BTC: variants seen among roughly 807,000 people sequenced by gnomAD.
BTC encodes the protein betacellulin.
BTC carries 13 observed loss-of-function variants against 18.1 expected under a neutral mutation model. That is an observed-to-expected ratio of 0.72 (90% CI 0.47 to 1.14). The LOEUF is 1.14. BTC is among the 50% of genes most tolerant of loss of function. The pLI is 0.00. For synonymous variants in BTC, 83 were observed against 79.4 expected (o/e 1.05, Z -0.24); for missense variants, 247 against 224.2 (o/e 1.10, Z -0.65).
At chr4:74,778,229 A>G (rs1234914328) in intron 1 of BTC, among the ~76,000 whole-genome samples, 1 of 152,132 alleles carries the variant, frequency 6.6e-6, no homozygotes, top group East Asian at 1.9e-4. Flanking sequence ...CCCAAGGAGA[A>G]CATAATTCTT....
rs1221816255 is a variant in BTC at position 74,786,647 on chromosome 4, C to T, written c.64+7615G>A. 2.0e-5 allele frequency among the ~76,000 whole-genome samples: 3 copies of T among 152,314 alleles called. No individual in the cohort carries two copies. In the East Asian group the frequency reaches 5.8e-4, roughly 29 times the overall value. ...CACAAGAGAGAAAATCATCTGACAT[C>T]TCACAGAATTCAAGGGTGTTTTTAA... is the stretch of plus-strand genomic sequence containing the variant. On this transcript the variant is annotated intron_variant, in intron 1 of 5. Transcript: ENST00000395743.
chr4:74,773,832 G>A (rs1277273781), intron 1 of BTC, among the ~76,000 whole-genome samples: 1 of 151,980 alleles, frequency 6.6e-6, no homozygotes, highest in African/African-American at 2.4e-5. Context: ...GGCTGGTCTT[G>A]AACTCCTGAC....
At chr4:74,774,834 T>A (rs1220174958) in intron 1 of BTC, among the ~76,000 whole-genome samples, 2 of 152,132 alleles carry the variant, frequency 1.3e-5, no homozygotes, top group African/African-American at 4.8e-5. Context: ...AATCATCTTT[T>A]TTTTTTCCAT....
At chr4:74,785,374 C>T (rs929972964) in intron 1 of BTC, among the ~76,000 whole-genome samples, 1 of 151,998 alleles carries the variant, frequency 6.6e-6, no homozygotes, top group African/African-American at 2.4e-5. Flanking sequence ...AACGCCAGTT[C>T]CTGGATTTAT....
chr4:74,753,732 C>G (rs1553956436), intron 3 of BTC, among the ~76,000 whole-genome samples: 1 of 152,046 alleles, frequency 6.6e-6, no homozygotes, highest in Non-Finnish European at 1.5e-5. Context: ...CCACTCATCT[C>G]ATAGCTTCTT....
intron 2 of BTC, among the ~76,000 whole-genome samples, 161 bp from the exon 3 acceptor site, chr4:74,756,137 C>G (rs560865641): frequency 6.6e-6 from 1 of 152,174 alleles, no homozygotes; most frequent in South Asian, 2.1e-4. Flanking sequence ...TTTTGTGACT[C>G]CAAAATAGCT....
chr4:74,750,622 C>A lies in BTC; in HGVS notation c.379G>T (p.Val127Phe). The A allele has an allele frequency of 6.2e-7, 1 of 1,613,872 alleles. No homozygotes were observed. Among genetic ancestry groups the A allele is most frequent in the Non-Finnish European group, 8.5e-7 (1 of 1,179,908 alleles). Residue 127 changes from valine (V) to phenylalanine (F), a missense_variant, in exon 4 of 6, where the codon GTT (valine) becomes TTT (phenylalanine). By Grantham distance (50) the Val-to-Phe change is conservative. Coordinates refer to ENST00000395743, the MANE Select transcript of BTC (RefSeq NM_001729.4). ...ACCAAAATAATAAAAACTACCATAACTGCTATCAAACAAATCACCAGAATC... is the reference window on the plus strand; with the variant it reads ...ACCAAAATAATAAAAACTACCATAAATGCTATCAAACAAATCACCAGAATC... The part of the protein sequence containing the change: ...GQILVICLIA[V>F]MVVFIILVIG...
intron 1 of BTC, among the ~76,000 whole-genome samples, chr4:74,789,772 C>A (rs750705929): frequency 5.3e-5 from 8 of 152,158 alleles, no homozygotes; most frequent in African/African-American, 1.7e-4. Flanking sequence ...TTAATTAAGG[C>A]AATTATTTAT....
At chr4:74,762,755 A>G (rs1305135064) in intron 2 of BTC, among the ~76,000 whole-genome samples, 2 of 152,182 alleles carry the variant, frequency 1.3e-5, no homozygotes, top group African/African-American at 4.8e-5. Context: ...TATTTAGCAT[A>G]GTCTACCTAT....
At chr4:74,782,465 T>G (rs28719716) in intron 1 of BTC, among the ~76,000 whole-genome samples, 27,264 of 152,192 alleles carry the variant, frequency 0.18, 4,060 homozygotes, top group African/African-American at 0.41. Flanking sequence ...GTATTCCGTG[T>G]TGTATATGTA....
chr4:74,753,886 T>G (rs1426643077), intron 3 of BTC, among the ~76,000 whole-genome samples: 1 of 152,350 alleles, frequency 6.6e-6, no homozygotes, highest in East Asian at 1.9e-4. Context: ...TACTTAAATA[T>G]GTTCTTAAAA....
chr4:74,781,712 C>A (rs1030334008), intron 1 of BTC, among the ~76,000 whole-genome samples: 1 of 150,554 alleles, frequency 6.6e-6, no homozygotes, highest in African/African-American at 2.5e-5. Context: ...TTTTTTTTGT[C>A]ATGGTAAAAT....
chr4:74,786,194 A>C (rs1468610151), intron 1 of BTC, among the ~76,000 whole-genome samples: 2 of 152,172 alleles, frequency 1.3e-5, no homozygotes, highest in Non-Finnish European at 2.9e-5. Flanking sequence ...ATCGTGAACA[A>C]GTCAAGTGTA....
chr4:74,752,379 C>CTTTTT (rs5859439), intron 3 of BTC, among the ~76,000 whole-genome samples: 1 of 133,258 alleles, frequency 7.5e-6, no homozygotes, highest in African/African-American at 2.8e-5. Context: ...GGGGGAATCA[C>CTTTTT]TTTTTTTTTT....
At chr4:74,765,151 GA>G (rs1297423334) in intron 2 of BTC, among the ~76,000 whole-genome samples, 1,310 of 95,242 alleles carry the variant, frequency 0.014, 20 homozygotes, top group African/African-American at 0.066. Flanking sequence ...CCTAAAGAAA[GA>G]AAAAAAAAAA....
At chr4:74,786,831 T>C (rs1725490085) in intron 1 of BTC, among the ~76,000 whole-genome samples, 1 of 152,152 alleles carries the variant, frequency 6.6e-6, no homozygotes, top group South Asian at 2.1e-4. Flanking sequence ...AGAAATGCTA[T>C]GGGAAAAAGA....
rs543786212 is a variant in BTC at position 74,785,620 on chromosome 4, T to C, written c.64+8642A>G. Among the ~76,000 whole-genome samples, 4 of 152,370 alleles carry C rather than the reference T, an allele frequency of 2.6e-5. No individual in the cohort carries two copies. In the East Asian group the frequency reaches 7.7e-4, roughly 29 times the overall value. On this transcript the variant is annotated intron_variant, in intron 1 of 5. Coordinates refer to ENST00000395743, the MANE Select transcript of BTC (RefSeq NM_001729.4). The stretch of plus-strand genomic sequence containing the variant: ...TAATTGGAATTTCCTGCAGTGTCTT[T>C]TTTTGTAGTAAACTTTTTATTTTGG...
chr4:74,755,182 A>C (rs782714623), intron 3 of BTC, among the ~76,000 whole-genome samples: 1 of 152,214 alleles, frequency 6.6e-6, no homozygotes, highest in Non-Finnish European at 1.5e-5. Flanking sequence ...GAAGAACATA[A>C]ACATTCTATG....
chr4:74,748,242 T>C, intron 4 of BTC, 93 bp from the exon 5 acceptor site: 1 of 822,542 alleles, frequency 1.2e-6, no homozygotes, highest in Non-Finnish European at 1.9e-6. Context: ...AGGTTTCTTT[T>C]TTTAAAAAAA....
Sources: allele counts gnomAD v4.1 joint callset (sites outside exome capture counted in the v4.1 genomes callset), GRCh38; gene constraint gnomAD v4.1.1; transcripts MANE v1.5; gene names NCBI Gene and HGNC (gene_info 2026-07-23, HGNC 2026-07-21).